The following FUT8 variants were observed in gnomAD, a reference collection of about 807,000 sequenced individuals.
FUT8 encodes the protein fucosyltransferase 8.
A neutral mutation model predicts 71.3 loss-of-function variants in FUT8; 29 were observed. The observed-to-expected ratio is 0.41, with a 90% confidence interval of 0.30 to 0.55. The LOEUF (loss-of-function observed/expected upper bound fraction) is 0.55. Ranked by LOEUF, FUT8 falls within the 20% of genes least tolerant of loss-of-function variation. The pLI is 0.34. For missense variants in FUT8, 544 were observed against 702.1 expected (o/e 0.77, Z 2.55); for synonymous variants, 254 against 239.3 (o/e 1.06, Z -0.57).
chr14:65,497,696 TAA>T (rs2066580310), intron 2 of FUT8, among the ~76,000 whole-genome samples: 1 of 151,916 alleles, frequency 6.6e-6, no homozygotes, highest in Non-Finnish European at 1.5e-5. Context: ...TAGTAAATAT[TAA>T]AATATTAAAA....
intron 6 of FUT8, among the ~76,000 whole-genome samples, chr14:65,668,835 A>T (rs1427554775): frequency 1.3e-5 from 2 of 152,212 alleles, no homozygotes; most frequent in Non-Finnish European, 2.9e-5. Context: ...TATATCATGG[A>T]ATAGTATGAA....
At chr14:65,470,350 G>A (rs2066122804) in intron 2 of FUT8, among the ~76,000 whole-genome samples, 1 of 152,176 alleles carries the variant, frequency 6.6e-6, no homozygotes, top group African/African-American at 2.4e-5. Flanking sequence ...TGGGGTTGGG[G>A]GACAGGGCTC....
At position 65,616,222 on chromosome 14, in the gene FUT8, G is replaced by A; in HGVS notation, c.331G>A (p.Asp111Asn). 4 of 1,605,926 alleles carry A rather than the reference G, an allele frequency of 2.5e-6. No individual in the cohort carries two copies. In the South Asian group the frequency reaches 3.3e-5, roughly 13 times the overall value. Residue 111 changes from aspartate to asparagine, a missense_variant, in exon 5 of 11, where the codon GAT becomes AAT. Coordinates refer to ENST00000673929, the MANE Select transcript of FUT8 (RefSeq NM_001371533.1). ...KKQTRNGLGK[D>N]HEILRRRIEN... ...TTCTTTGACTACAGGTCTGGGGAAG[G>A]ATCATGAAATCCTGAGGAGGAGGAT...
intron 7 of FUT8, among the ~76,000 whole-genome samples, chr14:65,706,118 A>G (rs1662319014): frequency 6.6e-6 from 1 of 152,194 alleles, no homozygotes; most frequent in African/African-American, 2.4e-5. Flanking sequence ...AAATAACTTA[A>G]TGAGTAAGAT....
intron 1 of FUT8, among the ~76,000 whole-genome samples, chr14:65,453,889 T>C (rs2065861750): frequency 6.6e-6 from 1 of 152,228 alleles, no homozygotes; most frequent in South Asian, 2.1e-4. Flanking sequence ...TTCCAAACTC[T>C]GTTCTTTTCA....
chr14:65,412,727 C>T (rs2139344235), upstream of FUT8: 1 of 174,352 alleles, frequency 5.7e-6, no homozygotes, highest in East Asian at 1.9e-4. Context: ...GGCGCGCTCC[C>T]CCATTCGCGC....
At chr14:65,425,908 C>T (rs1007743109) in intron 1 of FUT8, among the ~76,000 whole-genome samples, 9 of 151,496 alleles carry the variant, frequency 5.9e-5, no homozygotes, top group Admixed American at 3.3e-4. Flanking sequence ...ACCTGAAAGA[C>T]GGAGGTTGCA....
rs1023093294 is a variant in FUT8, at chr14:65,554,694, C to T, written c.-227-6643C>T. Among the ~76,000 whole-genome samples, 4 of 151,940 alleles carry T rather than the reference C, an allele frequency of 2.6e-5. No homozygotes were observed. The South Asian group carries it at 8.3e-4, about 32-fold the overall frequency. ...TTCACTGAATCAGAAACTTGAAATT[C>T]CTGCAGTAGTGGACTGCTTGCTGCT... On this transcript the variant is annotated intron_variant, in intron 2 of 10. Transcript: ENST00000673929.
At chr14:65,711,958 A>G (rs756968746) in intron 7 of FUT8, among the ~76,000 whole-genome samples, 2 of 152,276 alleles carry the variant, frequency 1.3e-5, no homozygotes, top group Admixed American at 6.5e-5. Context: ...CAGGAAAACA[A>G]TTTGAAGACT....
At chr14:65,615,863 G>T in intron 3 of FUT8, 115 bp from the exon 4 acceptor site, 1 of 683,806 alleles carries the variant, frequency 1.5e-6, no homozygotes. Context: ...CTACTTTTGT[G>T]CTATATGGTT....
intron 5 of FUT8, among the ~76,000 whole-genome samples, chr14:65,622,114 G>A (rs1320299693): frequency 6.6e-6 from 1 of 152,194 alleles, no homozygotes; most frequent in African/African-American, 2.4e-5. Flanking sequence ...GTCAGCCACT[G>A]CGCCTAGCTT....
At chr14:65,549,200 G>A (rs1452599527) in intron 2 of FUT8, among the ~76,000 whole-genome samples, 2 of 152,064 alleles carry the variant, frequency 1.3e-5, no homozygotes, top group African/African-American at 2.4e-5. Context: ...TTTTTCATGT[G>A]ACCCAGCAAT....
At chr14:65,734,193 G>C (rs927004) in intron 10 of FUT8, among the ~76,000 whole-genome samples, 55,280 of 151,952 alleles carry the variant, frequency 0.36, 12,255 homozygotes, top group Non-Finnish European at 0.5. Context: ...ATACACACAT[G>C]AAATAACTAG....
intron 7 of FUT8, among the ~76,000 whole-genome samples, chr14:65,675,539 G>A (rs886855149): frequency 1.3e-5 from 2 of 152,088 alleles, no homozygotes; most frequent in Non-Finnish European, 1.5e-5. Context: ...GAGCATTTTG[G>A]TGGAAAATTT....
intron 7 of FUT8, among the ~76,000 whole-genome samples, 172 bp from the exon 8 acceptor site, chr14:65,721,603 C>T (rs976101817): frequency 9.2e-5 from 14 of 152,192 alleles, no homozygotes; most frequent in African/African-American, 2.9e-4. Context: ...AATTCACCTC[C>T]GTCACTTTTG....
intron 2 of FUT8, among the ~76,000 whole-genome samples, chr14:65,525,665 G>T (rs568633499): frequency 3.3e-5 from 5 of 152,174 alleles, no homozygotes; most frequent in South Asian, 4.2e-4. Context: ...GGGTGTCAAT[G>T]TTAGATCTTT....
At chr14:65,531,837 A>G (rs1594745165) in intron 2 of FUT8, among the ~76,000 whole-genome samples, 1 of 152,006 alleles carries the variant, frequency 6.6e-6, no homozygotes, top group African/African-American at 2.4e-5. Context: ...TGTTCTCATC[A>G]TTTAGCTCCC....
At chr14:65,541,757 C>A (rs1884692647) in intron 2 of FUT8, among the ~76,000 whole-genome samples, 1 of 152,168 alleles carries the variant, frequency 6.6e-6, no homozygotes, top group Non-Finnish European at 1.5e-5. Context: ...TTAACCCAGT[C>A]ACGTTGACAT....
intron 3 of FUT8, among the ~76,000 whole-genome samples, chr14:65,580,641 T>C (rs1251034813): frequency 6.6e-6 from 1 of 151,954 alleles, no homozygotes; most frequent in Non-Finnish European, 1.5e-5. Flanking sequence ...TAACTAGAGG[T>C]CAGTGAAAAA....
Sources: gnomAD v4.1 joint callset for allele counts (sites outside exome capture counted in the v4.1 genomes callset) on GRCh38, gnomAD v4.1.1 for gene constraint, MANE v1.5 for transcripts, NCBI Gene and HGNC (gene_info 2026-07-23, HGNC 2026-07-21) for gene names.